DOCK1: variants seen among roughly 807,000 people sequenced by gnomAD.
DOCK1 encodes dedicator of cytokinesis protein 1.
DOCK1 carries 138 observed loss-of-function variants against 262.7 expected under a neutral mutation model. That is an observed-to-expected ratio of 0.53 (90% CI 0.46 to 0.61). The LOEUF (loss-of-function observed/expected upper bound fraction) is 0.61, where lower values mean the gene tolerates loss of function less well. DOCK1 is among the 20% of genes least tolerant of loss of function. The pLI is 0.00. For synonymous variants in DOCK1, 866 were observed against 867.4 expected, an observed-to-expected ratio of 1.00 and a Z score of 0.03; for missense variants, 1,908 against 2,370.7, an observed-to-expected ratio of 0.80 and a Z score of 4.05.
At chr10:126,930,847 C>G (rs950007674) in intron 1 of DOCK1, among the ~76,000 whole-genome samples, 1 of 152,262 alleles carries the variant, frequency 6.6e-6, no homozygotes, top group Admixed American at 6.5e-5. Flanking sequence ...GTGAGTACCC[C>G]CTACTGGGTT....
rs1297159724 is a variant in DOCK1 at position 127,425,927 on chromosome 10, A to C, written c.4830A>C (p.Ala1610=). 1 of 1,613,940 alleles carries C rather than the reference A, an allele frequency of 6.2e-7. No homozygotes were observed. Among genetic ancestry groups the C allele is most frequent in the African/African-American group, 1.3e-5 (1 of 74,944 alleles). The change falls in exon 47 of 52, where the codon GCA becomes GCC. Residue 1610 remains alanine, a synonymous_variant. Transcript: ENST00000623213. ...IRIHGDKVTE[A]LRPFHERMEA... ...TCCATGGAGACAAAGTCACGGAGGC[A>C]CTGAGGCCGTTCCACGAGAGGATGG...
chr10:126,998,584 C>G (rs909485005), intron 8 of DOCK1: 1 of 196,980 alleles, frequency 5.1e-6, no homozygotes, highest in East Asian at 1.1e-4. Context: ...ATATCCTGGT[C>G]CCTCAAATAT....
rs950579034 is a variant in DOCK1, at chr10:127,230,971, A to G, written c.2848-17037A>G. Among the ~76,000 whole-genome samples the G allele has an allele frequency of 4.0e-5, 6 of 151,842 alleles. No individual in the cohort carries two copies. The East Asian group carries it at 1.2e-3, about 29-fold the overall frequency. ...AAGGTATCTTCCATTTATTTTTATC[A>G]TCTTCAGTTTCATCAATGTTTTATA... On this transcript the variant is annotated intron_variant, in intron 27 of 51. Transcript: ENST00000623213.
In DOCK1 at chr10:127,228,677, G is replaced by A. The variant is rs578222759; in HGVS notation, c.2848-19331G>A. Among the ~76,000 whole-genome samples, 19 of 152,252 alleles carry A rather than the reference G, an allele frequency of 1.2e-4. No homozygotes were observed. The South Asian group carries it at 3.1e-3, about 25-fold the overall frequency. The stretch of plus-strand genomic sequence containing the variant: ...TTGTTACTGCTGATTGAATAGTCTC[G>A]CAGACCCCTTTTCTGTCAAACGCAA... On this transcript the variant is annotated intron_variant, in intron 27 of 51. Transcript: ENST00000623213.
intron 25 of DOCK1, among the ~76,000 whole-genome samples, chr10:127,118,896 G>C (rs563803492): frequency 6.6e-6 from 1 of 152,272 alleles, no homozygotes; most frequent in South Asian, 2.1e-4. Flanking sequence ...TTTATTCTCT[G>C]GTACTGCTAA....
At chr10:127,015,654 C>T (rs541230784) in intron 12 of DOCK1, among the ~76,000 whole-genome samples, 5 of 152,306 alleles carry the variant, frequency 3.3e-5, no homozygotes, top group African/African-American at 1.2e-4. Context: ...TACCCCAACT[C>T]CCCGTGGTTC....
intron 37 of DOCK1, among the ~76,000 whole-genome samples, chr10:127,383,619 G>A (rs916356637): frequency 9.2e-5 from 14 of 152,218 alleles, no homozygotes; most frequent in South Asian, 2.1e-4. Context: ...CCAGCGGGAG[G>A]TGCTCCCCAG....
At chr10:127,003,790 C>T (rs1297605126) in intron 10 of DOCK1, among the ~76,000 whole-genome samples, 2 of 151,946 alleles carry the variant, frequency 1.3e-5, no homozygotes, top group African/African-American at 2.4e-5. Flanking sequence ...CTCCTATCTA[C>T]GAAAAATAAA....
At chr10:127,126,511 G>A (rs184604577) in intron 26 of DOCK1, among the ~76,000 whole-genome samples, 94 of 152,224 alleles carry the variant, frequency 6.2e-4, no homozygotes, top group African/African-American at 2.2e-3. Flanking sequence ...CAGGAGGATC[G>A]CTTGAGCCCA....
At chr10:127,221,202 A>G (rs1012735411) in intron 27 of DOCK1, among the ~76,000 whole-genome samples, 2 of 152,222 alleles carry the variant, frequency 1.3e-5, no homozygotes, top group African/African-American at 4.8e-5. Flanking sequence ...ACCATTATCA[A>G]AGGTTGGAAG....
chr10:127,435,752 G>A (rs1169652948), intron 48 of DOCK1, among the ~76,000 whole-genome samples: 4 of 152,190 alleles, frequency 2.6e-5, no homozygotes, highest in African/African-American at 4.8e-5. Flanking sequence ...ACTGGAAGGC[G>A]TCTTTATTAC....
At position 127,332,359 on chromosome 10, in the gene DOCK1, T is replaced by C. The variant is rs531633511; in HGVS notation, c.3045-6647T>C. Among the ~76,000 whole-genome samples the C allele has an allele frequency of 1.2e-4, 18 of 152,306 alleles. 1 individual carries two copies. The South Asian group carries it at 1.7e-3, about 14-fold the overall frequency. ...ATGGAGGCTTAAGCTTTTATTGATT[T>C]GAAAAAGAAAAGAAAGGGAATCTTG... On this transcript the variant is annotated intron_variant, in intron 29 of 51. Coordinates refer to ENST00000623213, the MANE Select transcript of DOCK1 (RefSeq NM_001290223.2).
chr10:126,908,086 C>T (rs560986446), intron 1 of DOCK1, among the ~76,000 whole-genome samples: 2 of 152,010 alleles, frequency 1.3e-5, no homozygotes, highest in Admixed American at 1.3e-4. Context: ...CAGCACCACT[C>T]CATCGGCATC....
intron 37 of DOCK1, 130 bp from the exon 38 acceptor site, chr10:127,384,660 G>A: frequency 1.7e-6 from 2 of 1,168,688 alleles, no homozygotes; most frequent in Non-Finnish European, 2.2e-6. Context: ...GCAGTCCCCA[G>A]CCTGTTGACA....
At chr10:127,257,123 T>C (rs1393700571) in intron 28 of DOCK1, among the ~76,000 whole-genome samples, 1 of 152,224 alleles carries the variant, frequency 6.6e-6, no homozygotes, top group Non-Finnish European at 1.5e-5. Flanking sequence ...TTTCAGAATA[T>C]ATTCTTGAAG....
chr10:127,125,022 C>T (rs544156973), intron 25 of DOCK1, among the ~76,000 whole-genome samples: 56 of 151,936 alleles, frequency 3.7e-4, no homozygotes, highest in Non-Finnish European at 7.4e-4. Flanking sequence ...GAGGCTGAGG[C>T]GGGAGAATGG....
At chr10:127,222,614 T>C (rs1485084412) in intron 27 of DOCK1, among the ~76,000 whole-genome samples, 1 of 147,910 alleles carries the variant, frequency 6.8e-6, no homozygotes, top group Non-Finnish European at 1.5e-5. Context: ...ATTTCATTCC[T>C]CCTGTGTTTT....
At chr10:127,203,907 T>G (rs1333085632) in intron 27 of DOCK1, among the ~76,000 whole-genome samples, 1 of 152,184 alleles carries the variant, frequency 6.6e-6, no homozygotes, top group Non-Finnish European at 1.5e-5. Context: ...TGATTTTTTT[T>G]TTTTTTGAGA....
chr10:126,982,580 A>G (rs1391660665), intron 4 of DOCK1, among the ~76,000 whole-genome samples: 1 of 152,216 alleles, frequency 6.6e-6, no homozygotes, highest in African/African-American at 2.4e-5. Flanking sequence ...CTACATCTTC[A>G]CACTCAGTTA....
Sources: allele counts gnomAD v4.1 joint callset (sites outside exome capture counted in the v4.1 genomes callset), GRCh38; gene constraint gnomAD v4.1.1; transcripts MANE v1.5; gene names NCBI Gene and HGNC (gene_info 2026-07-23, HGNC 2026-07-21).